Variants in ARHGAP39 observed in about 807,000 individuals in gnomAD.
ARHGAP39 encodes Rho GTPase activating protein 39, also known as rho GTPase-activating protein 39.
ARHGAP39 carries 44 observed loss-of-function variants against 106.9 expected under a neutral mutation model. The observed-to-expected ratio is 0.41, with a 90% CI of 0.32 to 0.53. ARHGAP39 has a LOEUF of 0.53. Ranked by LOEUF, ARHGAP39 falls within the 20% of genes least tolerant of loss-of-function variation. The pLI is 0.21. For synonymous variants in ARHGAP39, 768 were observed against 693.2 expected (o/e 1.11, Z -1.69); for missense variants, 1,496 against 1,577.3 (o/e 0.95, Z 0.87).
At chr8:144,574,785 G>A (rs1024797037) in intron 3 of ARHGAP39, among the ~76,000 whole-genome samples, 1 of 152,252 alleles carries the variant, frequency 6.6e-6, no homozygotes, top group African/African-American at 2.4e-5. Flanking sequence ...GAGCCTGGGA[G>A]TTGAAGGCTG....
intron 1 of ARHGAP39, among the ~76,000 whole-genome samples, chr8:144,636,510 C>A (rs1442183729): frequency 6.6e-6 from 1 of 152,212 alleles, no homozygotes; most frequent in Non-Finnish European, 1.5e-5. Flanking sequence ...AGCCCCAATC[C>A]TCCCTGCGAT....
chr8:144,548,021 C>A lies in ARHGAP39; in HGVS notation c.1065G>T (p.Pro355=). ...PQRSPGRKPR[P]FLQPNKQGPP... The stretch of plus-strand genomic sequence containing the variant: ...GGCCCTGCTTGTTGGGCTGGAGGAA[C>A]GGCCGGGGCTTACGGCCCGGCGACC... Residue 355 remains proline (P), a synonymous_variant, in exon 5 of 12, where the codon CCG becomes CCT. Coordinates refer to ENST00000377307, the MANE Select transcript of ARHGAP39 (RefSeq NM_025251.3). This position sits in a 1 kb window ranked among gnomAD's most constrained non-coding sequence, Gnocchi z 7.4. 2.5e-6 allele frequency: 4 copies of A among 1,607,708 alleles called. No homozygotes were observed. The highest frequency in any genetic ancestry group is 3.4e-6 in the Non-Finnish European group (4 of 1,178,066).
intron 1 of ARHGAP39, among the ~76,000 whole-genome samples, chr8:144,606,714 T>C (rs1820305980): frequency 6.6e-6 from 1 of 152,082 alleles, no homozygotes; most frequent in African/African-American, 2.4e-5. Context: ...TCAGTGCCCC[T>C]AAACCCTAAG....
At chr8:144,613,542 G>A (rs1449082339) in intron 1 of ARHGAP39, among the ~76,000 whole-genome samples, 9 of 148,876 alleles carry the variant, frequency 6.0e-5, no homozygotes, top group South Asian at 2.1e-4. Context: ...CATTGTCTTC[G>A]CACTTGCATT....
Position 144,646,228 on chromosome 8 carries a change from G to A in ARHGAP39, c.-82+39458C>T, listed in dbSNP as rs1821440314. On this transcript the variant is annotated intron_variant, in intron 1 of 11. Transcript: ENST00000377307. The surrounding 1 kb of genome is among the most constrained non-coding windows in gnomAD (Gnocchi z 5.7). ...TGCAGACAGGGCAACAACCGCAAAC[G>A]TGTTCAACAGGGAAGAGCACGTATG... Among the ~76,000 whole-genome samples the A allele has an allele frequency of 1.3e-5, 2 of 152,218 alleles. No individual in the cohort carries two copies. Among genetic ancestry groups the A allele is most frequent in the African/African-American group, 2.4e-5 (1 of 41,452 alleles).
chr8:144,624,738 GCACACTGCGGCAGCCCCTGTCCCC>G (rs1820898918), intron 1 of ARHGAP39, among the ~76,000 whole-genome samples: 1 of 26,992 alleles, frequency 3.7e-5, no homozygotes. Flanking sequence ...AGCACTCACT[GCACACTGCGGCAGCCCCTGTCCCC>G]GCGGCCCCGT....
intron 3 of ARHGAP39, among the ~76,000 whole-genome samples, chr8:144,568,333 CA>C (rs34670018): frequency 0.013 from 627 of 47,242 alleles, no homozygotes; most frequent in African/African-American, 0.046. Flanking sequence ...GACTCTGTCT[CA>C]AAAAAAAAAA....
At chr8:144,628,694 G>A (rs914445272) in intron 1 of ARHGAP39, among the ~76,000 whole-genome samples, 1 of 152,142 alleles carries the variant, frequency 6.6e-6, no homozygotes, top group African/African-American at 2.4e-5. Context: ...AACCAACAGG[G>A]AACCCACCCT....
At chr8:144,608,368 T>C (rs145264255) in intron 1 of ARHGAP39, among the ~76,000 whole-genome samples, 1 of 152,228 alleles carries the variant, frequency 6.6e-6, no homozygotes, top group East Asian at 1.9e-4. Context: ...CCTATGCACC[T>C]GCTTTCCATC....
rs1005885297 is a variant in ARHGAP39 at position 144,646,443 on chromosome 8, C to T, written c.-82+39243G>A. The stretch of plus-strand genomic sequence containing the variant: ...TGTGAAAGTATCGATAGCCAAAAAA[C>T]TAAATTTTAAAAAATCACCAAAAAA... On this transcript the variant is annotated intron_variant, in intron 1 of 11. Coordinates refer to ENST00000377307, the MANE Select transcript of ARHGAP39 (RefSeq NM_025251.3). The surrounding 1 kb of genome is among the most constrained non-coding windows in gnomAD (Gnocchi z 5.7). Among the ~76,000 whole-genome samples, 4 of 151,994 alleles carry T rather than the reference C, an allele frequency of 2.6e-5. No individual in the cohort carries two copies. The highest frequency in any genetic ancestry group is 4.4e-5 in the Non-Finnish European group (3 of 68,008).
intron 5 of ARHGAP39, among the ~76,000 whole-genome samples, chr8:144,546,016 CCCTGTA>C (rs1817405873): frequency 1.3e-5 from 2 of 152,206 alleles, no homozygotes; most frequent in African/African-American, 2.4e-5. Context: ...GACGCCGGAG[CCCTGTA>C]CTCCCAGGGT....
At chr8:144,656,177 T>C (rs1485373026) in intron 1 of ARHGAP39, among the ~76,000 whole-genome samples, 1 of 139,588 alleles carries the variant, frequency 7.2e-6, no homozygotes, top group East Asian at 2.1e-4. Flanking sequence ...TAAAGAGCAC[T>C]AGACATAGCA....
intron 2 of ARHGAP39, among the ~76,000 whole-genome samples, chr8:144,587,054 C>T (rs1311907183): frequency 1.3e-5 from 2 of 152,182 alleles, no homozygotes; most frequent in Admixed American, 1.3e-4. Context: ...CCTCCCCTTC[C>T]CTGGGCTCTC....
rs149375195 is a variant in ARHGAP39 at position 144,647,682 on chromosome 8, C to T, written c.-82+38004G>A. 1.1e-3 allele frequency among the ~76,000 whole-genome samples: 166 copies of T among 152,326 alleles called. No homozygotes were observed. The highest frequency in any genetic ancestry group is 3.4e-3 in the African/African-American group (143 of 41,558). On this transcript the variant is annotated intron_variant, in intron 1 of 11. Coordinates refer to ENST00000377307, the MANE Select transcript of ARHGAP39 (RefSeq NM_025251.3). The surrounding 1 kb of genome is among the most constrained non-coding windows in gnomAD (Gnocchi z 4.8). ...TGACCAATCCAAGACAAGAAATGCT[C>T]GGGAGCTGGGGGACAGTCCTGGAGA...
At chr8:144,624,217 C>G (rs1328982617) in intron 1 of ARHGAP39, among the ~76,000 whole-genome samples, 1 of 152,160 alleles carries the variant, frequency 6.6e-6, no homozygotes, top group Non-Finnish European at 1.5e-5. Flanking sequence ...GTGACTTGGC[C>G]GTGCCGACAG....
chr8:144,545,274 G>A lies in ARHGAP39; in HGVS notation c.2496C>T (p.His832=), dbSNP rs773336066. 162 of 1,555,208 alleles carry A rather than the reference G, an allele frequency of 1.0e-4. No homozygotes were observed. Among genetic ancestry groups the A allele is most frequent in the Non-Finnish European group, 1.4e-4 (157 of 1,144,600 alleles). ...HSYLEGYIYR[H]MDPVNDTKVT... ...CTTTAGTGTCATTGACGGGGTCCAT[G>A]TGCCGGTAGATGTAGCCTTCCAGGT... The change falls in exon 6 of 12, where the codon CAC becomes CAT. Residue 832 remains histidine (H), a synonymous_variant. Transcript: ENST00000377307.
At chr8:144,564,448 C>T (rs1818316935) in intron 3 of ARHGAP39, among the ~76,000 whole-genome samples, 1 of 151,974 alleles carries the variant, frequency 6.6e-6, no homozygotes, top group Non-Finnish European at 1.5e-5. Context: ...TGAATCTCTA[C>T]CAATAACTTG....
chr8:144,682,967 T>C (rs1822466168), intron 1 of ARHGAP39, among the ~76,000 whole-genome samples: 6 of 149,018 alleles, frequency 4.0e-5, no homozygotes, highest in Admixed American at 3.3e-4. Context: ...CAGTGAGCCA[T>C]GATCGCACCA....
intron 5 of ARHGAP39, among the ~76,000 whole-genome samples, chr8:144,546,606 C>G (rs1296061493): frequency 6.6e-6 from 1 of 152,248 alleles, no homozygotes; most frequent in Non-Finnish European, 1.5e-5. Context: ...TAGCCTCCAT[C>G]AGCTCCAGGA....
Sources: allele counts gnomAD v4.1 joint callset (sites outside exome capture counted in the v4.1 genomes callset), GRCh38; gene constraint gnomAD v4.1.1; non-coding constraint Gnocchi (gnomAD v3.1); transcripts MANE v1.5; gene names NCBI Gene and HGNC (gene_info 2026-07-23, HGNC 2026-07-21).